Variants in CYP4Z1 observed in about 807,000 individuals in gnomAD.
CYP4Z1 encodes cytochrome P450 4Z1.
A neutral mutation model predicts 54.2 loss-of-function variants in CYP4Z1; 41 were observed. That is an observed-to-expected ratio of 0.76 (90% CI 0.59 to 0.98). The LOEUF is 0.98. CYP4Z1 is among the 50% of genes least tolerant of loss of function. The pLI, the probability that CYP4Z1 is intolerant of heterozygous loss-of-function variation, is 0.00. For synonymous variants in CYP4Z1, 163 were observed against 206.2 expected, an observed-to-expected ratio of 0.79 and a Z score of 1.79; for missense variants, 513 against 599.0, an observed-to-expected ratio of 0.86 and a Z score of 1.50.
the CYP4Z1 span, among the ~76,000 whole-genome samples, chr1:47,057,338 ATATATATATATAT>A: frequency 7.9e-4 from 57 of 72,602 alleles, 3 homozygotes; most frequent in African/African-American, 9.4e-4. Context: ...AAAAAAAAAT[ATATATATATATAT>A]ATATATATAT....
At chr1:47,068,897 A>G (rs1039222986) in intron 2 of CYP4Z1, 134 bp downstream of exon 2, 1 of 1,186,256 alleles carries the variant, frequency 8.4e-7, no homozygotes. Context: ...GGAAGATTCC[A>G]TGTCCTCCTC....
At chr1:47,088,295 G>A (rs1454574448) in intron 6 of CYP4Z1, among the ~76,000 whole-genome samples, 1 of 152,044 alleles carries the variant, frequency 6.6e-6, no homozygotes, top group East Asian at 1.9e-4. Flanking sequence ...TGTCCCTCTG[G>A]TAGAATTTGG....
Position 47,084,939 on chromosome 1 carries a change from A to G in CYP4Z1, c.733A>G (p.Ile245Val). ...LVFKFSSQGQ[I>V]FSKFNQELHQ... ...TTTCAAATTCAGCTCTCAAGGCCAAATCTTTTCTAAATTTAACCAAGAACT... is the reference window on the plus strand; with the variant it reads ...TTTCAAATTCAGCTCTCAAGGCCAAGTCTTTTCTAAATTTAACCAAGAACT... The change falls in exon 6 of 12, where the codon ATC becomes GTC. Residue 245 changes from isoleucine (I) to valine (V), a missense_variant. By Grantham distance (29) the Ile-to-Val change is conservative. Coordinates refer to ENST00000334194, the MANE Select transcript of CYP4Z1 (RefSeq NM_178134.3). The G allele has an allele frequency of 6.6e-7, 1 of 1,506,520 alleles. No homozygotes were observed. The highest frequency in any genetic ancestry group is 9.0e-7 in the Non-Finnish European group (1 of 1,105,180). 93.3% of individuals were successfully genotyped at this position (1,506,520 alleles called of 1,614,324 possible).
In CYP4Z1 at chr1:47,084,738, T is replaced by C; in HGVS notation, c.611T>C (p.Leu204Ser). The change falls in exon 5 of 12, where the codon TTG becomes TCG. Residue 204 changes from leucine to serine, a missense_variant. Leu to Ser is a moderately radical substitution (Grantham distance 145, BLOSUM62 -2). Coordinates refer to ENST00000334194, the MANE Select transcript of CYP4Z1 (RefSeq NM_178134.3). Reference protein sequence around the residue: ...CAFSHQGSIQLDSTLDSYLKA... With the variant: ...CAFSHQGSIQSDSTLDSYLKA... Reference sequence around the variant, plus strand: ...TTCAGCCACCAGGGCAGCATCCAGTTGGACAGGTCAGTGACAAAAGGAAGG... The same window carrying C: ...TTCAGCCACCAGGGCAGCATCCAGTCGGACAGGTCAGTGACAAAAGGAAGG... 13 of 1,613,392 alleles carry C rather than the reference T, an allele frequency of 8.1e-6. No individual in the cohort carries two copies. Among genetic ancestry groups the C allele is most frequent in the Non-Finnish European group, 1.0e-5 (12 of 1,179,846 alleles).
Position 47,115,523 on chromosome 1 carries a change from A to T in CYP4Z1, c.1202-6A>T, listed in dbSNP as rs532128901. 1 of 1,612,078 alleles carries T rather than the reference A, an allele frequency of 6.2e-7. No individual in the cohort carries two copies. The highest frequency in any genetic ancestry group is 1.1e-5 in the South Asian group (1 of 90,736). On this transcript the variant is annotated splice_polypyrimidine_tract_variant and splice_region_variant and intron_variant, in intron 9 of 11. Transcript: ENST00000334194. ...CACTTACCTGCTTTTTCTTCTGTTT[A>T]CTCAGGAATAACTGTGTTTATCAAT... is the stretch of plus-strand genomic sequence containing the variant.
At chr1:47,102,652 C>T (rs1338518964) in intron 8 of CYP4Z1, among the ~76,000 whole-genome samples, 2 of 152,196 alleles carry the variant, frequency 1.3e-5, no homozygotes, top group African/African-American at 4.8e-5. Context: ...CCCATTCTCT[C>T]CTGGCCTGAA....
intron 6 of CYP4Z1, among the ~76,000 whole-genome samples, chr1:47,091,122 A>G (rs1018988878): frequency 2.0e-4 from 27 of 132,574 alleles, no homozygotes; most frequent in Admixed American, 6.0e-4. Context: ...GGAGGCTGGC[A>G]AATAGAGTTT....
intron 6 of CYP4Z1, among the ~76,000 whole-genome samples, chr1:47,089,831 G>T (rs912143656): frequency 6.6e-6 from 1 of 152,258 alleles, no homozygotes; most frequent in Non-Finnish European, 1.5e-5. Context: ...TAGCAAGAAA[G>T]AATTGTCGTC....
intron 8 of CYP4Z1, 24 bp downstream of exon 8, chr1:47,099,308 T>A (rs1283041420): frequency 6.5e-7 from 1 of 1,547,764 alleles, no homozygotes; most frequent in Non-Finnish European, 8.7e-7. Context: ...TCCTATTTCA[T>A]CCTGAATTTT....
chr1:47,117,035 T>C (rs1373366582), intron 11 of CYP4Z1, among the ~76,000 whole-genome samples: 1 of 152,200 alleles, frequency 6.6e-6, no homozygotes, highest in African/African-American at 2.4e-5. Flanking sequence ...GGGAATGCCA[T>C]CTTGTTATAG....
rs372799835 is a variant in CYP4Z1, at chr1:47,117,761, C to T, written c.1350-5C>T. 123 of 1,606,830 alleles carry T rather than the reference C, an allele frequency of 7.7e-5. No homozygotes were observed. In the South Asian group the frequency reaches 1.1e-3, roughly 14 times the overall value. ...ATGCCATGTTTTCTTTCTTGGTATC[C>T]CCAGGAACTGCATTGGGCAGCATTT... On this transcript the variant is annotated splice_region_variant and splice_polypyrimidine_tract_variant and intron_variant, in intron 11 of 11. Coordinates refer to ENST00000334194, the MANE Select transcript of CYP4Z1 (RefSeq NM_178134.3).
At chr1:47,096,920 G>C in intron 7 of CYP4Z1, 1 of 152,250 alleles carries the variant, frequency 6.6e-6, no homozygotes, top group East Asian at 1.9e-4. Flanking sequence ...GTGAGCCACT[G>C]TGCCTGGCCT....
chr1:47,113,592 T>C (rs887263421), intron 9 of CYP4Z1, among the ~76,000 whole-genome samples: 4 of 152,220 alleles, frequency 2.6e-5, no homozygotes, highest in Non-Finnish European at 2.9e-5. Flanking sequence ...TATGAATAGA[T>C]GTGAAAGAAT....
intron 9 of CYP4Z1, among the ~76,000 whole-genome samples, chr1:47,107,858 T>C (rs1188896089): frequency 1.3e-5 from 2 of 152,178 alleles, no homozygotes; most frequent in East Asian, 3.9e-4. Context: ...ACTTTCCTGA[T>C]CTTGTGGCTT....
intron 9 of CYP4Z1, among the ~76,000 whole-genome samples, chr1:47,107,741 A>C (rs11211451): frequency 0.43 from 65,283 of 151,822 alleles, 15,381 homozygotes; most frequent in East Asian, 0.96. Context: ...TAATCCACAG[A>C]ATCTTAAAAT....
chr1:47,084,173 C>G (rs549964098), intron 4 of CYP4Z1, among the ~76,000 whole-genome samples: 6 of 152,304 alleles, frequency 3.9e-5, no homozygotes, highest in African/African-American at 1.4e-4. Context: ...TAAGAACTAT[C>G]TCTAATTCCT....
chr1:47,083,030 T>C (rs187462721), intron 4 of CYP4Z1, among the ~76,000 whole-genome samples: 175 of 152,198 alleles, frequency 1.1e-3, no homozygotes, highest in African/African-American at 4.1e-3. Flanking sequence ...CTCTTGGAGT[T>C]TGGATGGCAA....
chr1:47,082,205 A>G (rs1242029347), intron 3 of CYP4Z1, 129 bp from the exon 4 acceptor site: 14 of 1,176,248 alleles, frequency 1.2e-5, no homozygotes, highest in South Asian at 1.8e-5. Context: ...CTGCTCATTC[A>G]CTCTTTCAAA....
At position 47,094,683 on chromosome 1, in the gene CYP4Z1, A is replaced by G. The variant is rs899904560; in HGVS notation, c.876+14A>G. Reference sequence around the variant, plus strand: ...TTGAGTGCCAAAGTAAGTCTTCTAAACTTCTGAACACATTCGACTCAATAA... The same window carrying G: ...TTGAGTGCCAAAGTAAGTCTTCTAAGCTTCTGAACACATTCGACTCAATAA... On this transcript the variant is annotated intron_variant, in intron 7 of 11. Coordinates refer to ENST00000334194, the MANE Select transcript of CYP4Z1 (RefSeq NM_178134.3). 6.3e-7 allele frequency: 1 copy of G among 1,583,588 alleles called. No individual in the cohort carries two copies. Among genetic ancestry groups the G allele is most frequent in the African/African-American group, 1.4e-5 (1 of 73,806 alleles).
Sources: allele counts gnomAD v4.1 joint callset (sites outside exome capture counted in the v4.1 genomes callset), GRCh38; gene constraint gnomAD v4.1.1; transcripts MANE v1.5; gene names NCBI Gene and HGNC (gene_info 2026-07-23, HGNC 2026-07-21).